NDFIP2: variants seen among roughly 807,000 people sequenced by gnomAD.
The protein encoded by NDFIP2 is NEDD4 family-interacting protein 2.
NDFIP2 carries 19 observed loss-of-function variants against 36.0 expected under a neutral mutation model. The observed-to-expected ratio is 0.53, with a 90% confidence interval of 0.37 to 0.77. The LOEUF (loss-of-function observed/expected upper bound fraction) is 0.77. Ranked by LOEUF, NDFIP2 falls within the 30% of genes least tolerant of loss-of-function variation. The pLI, the probability that NDFIP2 is intolerant of heterozygous loss-of-function variation, is 0.00. For synonymous variants in NDFIP2, 181 were observed against 167.7 expected, an observed-to-expected ratio of 1.08 and a Z score of -0.61; for missense variants, 446 against 435.8, an observed-to-expected ratio of 1.02 and a Z score of -0.21.
At chr13:79,550,433 A>G (rs1450569709) in intron 6 of NDFIP2, among the ~76,000 whole-genome samples, 1 of 151,692 alleles carries the variant, frequency 6.6e-6, no homozygotes, top group African/African-American at 2.4e-5. Context: ...ATTTTTTATT[A>G]TAAGTTAGTT....
intron 1 of NDFIP2, among the ~76,000 whole-genome samples, chr13:79,482,210 CAG>C (rs1221098290): frequency 9.1e-5 from 8 of 88,284 alleles, no homozygotes; most frequent in South Asian, 4.0e-4. Flanking sequence ...AGAGGGGAAA[CAG>C]AGGTAGTTTT....
chr13:79,508,460 T>G (rs1873953668), intron 1 of NDFIP2, among the ~76,000 whole-genome samples: 1 of 152,240 alleles, frequency 6.6e-6, no homozygotes, highest in Non-Finnish European at 1.5e-5. Context: ...TATTTATTGT[T>G]ATTTCTTGAT....
chr13:79,515,307 A>G (rs1241681687), intron 1 of NDFIP2, among the ~76,000 whole-genome samples: 1 of 152,240 alleles, frequency 6.6e-6, no homozygotes, highest in African/African-American at 2.4e-5. Context: ...ATGTTCTGTC[A>G]TACTAACAAG....
chr13:79,511,661 A>G (rs1432391468), intron 1 of NDFIP2, among the ~76,000 whole-genome samples: 1 of 152,194 alleles, frequency 6.6e-6, no homozygotes, highest in Non-Finnish European at 1.5e-5. Flanking sequence ...GAAAAACTCT[A>G]GGAGGCCTAG....
intron 1 of NDFIP2, among the ~76,000 whole-genome samples, chr13:79,507,714 T>A (rs1873922471): frequency 6.6e-6 from 1 of 152,112 alleles, no homozygotes; most frequent in African/African-American, 2.4e-5. Context: ...CAACTTTTTT[T>A]AAAATTTAAA....
At chr13:79,549,876 A>G (rs888889704) in intron 6 of NDFIP2, among the ~76,000 whole-genome samples, 1 of 151,882 alleles carries the variant, frequency 6.6e-6, no homozygotes, top group African/African-American at 2.4e-5. Flanking sequence ...TGGGAAGCAG[A>G]TGCGATTGGG....
intron 5 of NDFIP2, among the ~76,000 whole-genome samples, chr13:79,547,506 G>T (rs1347224800): frequency 1.3e-5 from 2 of 152,064 alleles, no homozygotes; most frequent in African/African-American, 2.4e-5. Flanking sequence ...TGTTTTAGGT[G>T]CTAAAGTTAT....
intron 1 of NDFIP2, among the ~76,000 whole-genome samples, chr13:79,487,815 C>G (rs1443558158): frequency 6.6e-6 from 1 of 152,102 alleles, no homozygotes; most frequent in Non-Finnish European, 1.5e-5. Flanking sequence ...CCTACCTGTA[C>G]AGTGACATAT....
At chr13:79,535,398 T>G (rs1875195869) in intron 3 of NDFIP2, among the ~76,000 whole-genome samples, 2 of 152,190 alleles carry the variant, frequency 1.3e-5, no homozygotes, top group African/African-American at 4.8e-5. Flanking sequence ...AAGAGAAAAG[T>G]CTGAAGTATT....
At chr13:79,529,860 T>G (rs1874942869) in intron 2 of NDFIP2, among the ~76,000 whole-genome samples, 1 of 152,256 alleles carries the variant, frequency 6.6e-6, no homozygotes, top group Admixed American at 6.5e-5. Flanking sequence ...TGGTTCATTT[T>G]CAGACTACTG....
At chr13:79,546,155 C>T (rs1594860467) in intron 5 of NDFIP2, among the ~76,000 whole-genome samples, 1 of 152,292 alleles carries the variant, frequency 6.6e-6, no homozygotes, top group East Asian at 1.9e-4. Flanking sequence ...GTAAAACATT[C>T]CTCTTAGAGT....
chr13:79,520,097 A>T (rs1257782925), intron 1 of NDFIP2, among the ~76,000 whole-genome samples: 1 of 152,180 alleles, frequency 6.6e-6, no homozygotes, highest in African/African-American at 2.4e-5. Context: ...CACTGTGCCC[A>T]GCCTTGCTTT....
At chr13:79,518,269 G>A (rs1309538019) in intron 1 of NDFIP2, among the ~76,000 whole-genome samples, 2 of 152,072 alleles carry the variant, frequency 1.3e-5, no homozygotes, top group African/African-American at 4.8e-5. Context: ...ATTCACTTAC[G>A]ATTATTTGGT....
chr13:79,509,034 A>T (rs1369926916), intron 1 of NDFIP2, among the ~76,000 whole-genome samples: 2 of 151,156 alleles, frequency 1.3e-5, no homozygotes, highest in African/African-American at 4.9e-5. Flanking sequence ...TAGAGTTAGC[A>T]TTTTTTTTTA....
At chr13:79,502,914 A>G (rs1230848097) in intron 1 of NDFIP2, among the ~76,000 whole-genome samples, 1 of 150,808 alleles carries the variant, frequency 6.6e-6, no homozygotes, top group Admixed American at 6.6e-5. Context: ...TCTTTGAAGT[A>G]TGGTGTGAAT....
intron 2 of NDFIP2, among the ~76,000 whole-genome samples, chr13:79,532,946 C>T: frequency 6.6e-6 from 1 of 151,924 alleles, no homozygotes; most frequent in East Asian, 1.9e-4. Flanking sequence ...TTTCTTTTTG[C>T]TTTTTTGGCT....
chr13:79,554,564 A>G lies in NDFIP2; in HGVS notation c.*2051A>G, dbSNP rs936017391. On this transcript the variant is annotated 3_prime_UTR_variant, in exon 8 of 8. Coordinates refer to ENST00000218652, the MANE Select transcript of NDFIP2 (RefSeq NM_019080.3). ...CCCCAAATCTGTAAGGTTCAAGTAT[A>G]CATATTACTGAATCCTCTATAATTG... is the stretch of plus-strand genomic sequence containing the variant. The G allele has an allele frequency of 6.6e-6, 1 of 151,914 alleles. No homozygotes were observed. The highest frequency in any genetic ancestry group is 2.4e-5 in the African/African-American group (1 of 41,436). The allele number at this position is 151,914 out of a possible 1,614,324, so 9.4% of individuals were successfully genotyped here. A position where few individuals can be genotyped will look rare whatever the true frequency, so the allele number is the denominator to read the frequency against.
intron 1 of NDFIP2, among the ~76,000 whole-genome samples, chr13:79,486,132 C>T (rs561918838): frequency 2.0e-5 from 3 of 152,158 alleles, no homozygotes; most frequent in East Asian, 1.9e-4. Context: ...TATTTCATTA[C>T]GTATATGCAA....
intron 3 of NDFIP2, 83 bp downstream of exon 3, chr13:79,533,539 T>A: frequency 1.6e-6 from 2 of 1,261,404 alleles, no homozygotes; most frequent in Non-Finnish European, 2.1e-6. Context: ...AACAGTTCTT[T>A]GTGTGTAAGT....
Sources: gnomAD v4.1 joint callset for allele counts (sites outside exome capture counted in the v4.1 genomes callset) on GRCh38, gnomAD v4.1.1 for gene constraint, MANE v1.5 for transcripts, NCBI Gene and HGNC (gene_info 2026-07-23, HGNC 2026-07-21) for gene names.